The following PTPRT variants were observed in gnomAD, a reference collection of about 807,000 sequenced individuals.
PTPRT encodes receptor-type tyrosine-protein phosphatase T.
In PTPRT, 56 loss-of-function variants were observed where a neutral mutation model predicts 176.8. The ratio of observed to expected loss-of-function variants is 0.32; its 90% CI spans 0.26 to 0.40. The LOEUF is 0.40. Ranked by LOEUF, PTPRT falls within the 10% of genes least tolerant of loss-of-function variation. PTPRT has a pLI of 1.00. For missense variants in PTPRT, 1,540 were observed against 1,908.2 expected, an observed-to-expected ratio of 0.81 and a Z score of 3.60; for synonymous variants, 783 against 739.0, an observed-to-expected ratio of 1.06 and a Z score of -0.96.
chr20:42,956,334 C>G (rs764237139), intron 1 of PTPRT, among the ~76,000 whole-genome samples: 1 of 152,112 alleles, frequency 6.6e-6, no homozygotes, highest in African/African-American at 2.4e-5. Context: ...GTGCTCTCCT[C>G]GCAATAGTGA....
At chr20:42,537,867 A>C (rs2072503892) in intron 7 of PTPRT, among the ~76,000 whole-genome samples, 1 of 152,168 alleles carries the variant, frequency 6.6e-6, no homozygotes, top group African/African-American at 2.4e-5. Context: ...ACGCACAACT[A>C]AACAACTAGT....
intron 9 of PTPRT, among the ~76,000 whole-genome samples, chr20:42,437,864 A>G (rs530081950): frequency 6.6e-6 from 1 of 152,342 alleles, no homozygotes; most frequent in East Asian, 1.9e-4. Flanking sequence ...TGTTCTGACC[A>G]AAACAGAAGC....
At chr20:42,366,025 C>T (rs1162055702) in intron 9 of PTPRT, among the ~76,000 whole-genome samples, 1 of 152,236 alleles carries the variant, frequency 6.6e-6, no homozygotes, top group Non-Finnish European at 1.5e-5. Context: ...GCTCTCTGCC[C>T]ATGACTTCCC....
In PTPRT at chr20:43,180,296, C is replaced by T. The variant is rs567847078; in HGVS notation, c.88+9350G>A. On this transcript the variant is annotated intron_variant, in intron 1 of 30. Coordinates refer to ENST00000373187, the MANE Select transcript of PTPRT (RefSeq NM_007050.6). Reference sequence around the variant, plus strand: ...CCAGCTTGCAGACTGTGGGACTTCTCGGCCTCTAAACCTGCATGAGCCAAT... The same window carrying T: ...CCAGCTTGCAGACTGTGGGACTTCTTGGCCTCTAAACCTGCATGAGCCAAT... 3.0e-4 allele frequency among the ~76,000 whole-genome samples: 45 copies of T among 149,070 alleles called. 1 individual carries two copies. In the South Asian group the frequency reaches 8.5e-3, roughly 28 times the overall value.
chr20:42,535,314 G>A (rs529100363), intron 7 of PTPRT, among the ~76,000 whole-genome samples: 1 of 152,246 alleles, frequency 6.6e-6, no homozygotes, highest in East Asian at 1.9e-4. Context: ...AGACACTGGG[G>A]AGTACTTGAG....
At chr20:42,714,637 T>C (rs776173808) in intron 6 of PTPRT, among the ~76,000 whole-genome samples, 2 of 152,210 alleles carry the variant, frequency 1.3e-5, no homozygotes, top group African/African-American at 4.8e-5. Context: ...GAGTGATTTT[T>C]TCCAGCACAG....
At chr20:42,584,906 G>A (rs2073445284) in intron 7 of PTPRT, among the ~76,000 whole-genome samples, 1 of 152,108 alleles carries the variant, frequency 6.6e-6, no homozygotes, top group Non-Finnish European at 1.5e-5. Context: ...AAGTTGTGGA[G>A]GTGTAGGAAT....
In PTPRT at chr20:42,656,680, C is replaced by T. The variant is rs148913402; in HGVS notation, c.1153+21186G>A. Among the ~76,000 whole-genome samples the T allele has an allele frequency of 8.4e-4, 128 of 152,278 alleles. 1 individual carries two copies. Among genetic ancestry groups the T allele is most frequent in the African/African-American group, 2.9e-3 (122 of 41,544 alleles). On this transcript the variant is annotated intron_variant, in intron 7 of 30. Coordinates refer to ENST00000373187, the MANE Select transcript of PTPRT (RefSeq NM_007050.6). ...GAATTTATTCCAGGAAAAAATATTA[C>T]ATATGTGCACATATATTAGTATCTT...
At chr20:42,739,635 T>C (rs2076579774) in intron 6 of PTPRT, among the ~76,000 whole-genome samples, 1 of 152,184 alleles carries the variant, frequency 6.6e-6, no homozygotes. Flanking sequence ...GACTCTGAAA[T>C]AGACATAGAT....
intron 12 of PTPRT, among the ~76,000 whole-genome samples, chr20:42,313,737 C>T (rs1372103595): frequency 1.3e-5 from 2 of 152,138 alleles, no homozygotes; most frequent in African/African-American, 4.8e-5. Context: ...CCAGATGCTT[C>T]TGCCAATTTT....
In PTPRT at chr20:42,248,591, G is replaced by A. The variant is rs189904268; in HGVS notation, c.2312+96C>T. 2.8e-6 allele frequency: 4 copies of A among 1,453,778 alleles called. No homozygotes were observed. In the East Asian group the frequency reaches 9.1e-5, roughly 33 times the overall value. 90.1% of individuals were successfully genotyped at this position (1,453,778 alleles called of 1,614,324 possible). ...TCAATGGTTATAACAGAAGATCCCT[G>A]CTGGACAATGATCAACAGAGCAAAA... On this transcript the variant is annotated intron_variant, in intron 14 of 30. Coordinates refer to ENST00000373187, the MANE Select transcript of PTPRT (RefSeq NM_007050.6).
intron 1 of PTPRT, among the ~76,000 whole-genome samples, chr20:43,103,738 G>A (rs2012484702): frequency 7.5e-6 from 1 of 133,232 alleles, no homozygotes; most frequent in Non-Finnish European, 1.6e-5. Flanking sequence ...ATTTCATGGA[G>A]AGGGGAGATC....
At chr20:42,674,575 C>T (rs1453099135) in intron 7 of PTPRT, among the ~76,000 whole-genome samples, 1 of 152,198 alleles carries the variant, frequency 6.6e-6, no homozygotes. Flanking sequence ...GAAGTCTCAT[C>T]AGCAGGATCA....
chr20:42,531,762 G>A (rs1460471425), intron 7 of PTPRT, among the ~76,000 whole-genome samples: 1 of 152,216 alleles, frequency 6.6e-6, no homozygotes, highest in Non-Finnish European at 1.5e-5. Context: ...GATAGATGTT[G>A]GCTGTCCTCC....
intron 7 of PTPRT, among the ~76,000 whole-genome samples, chr20:42,574,936 C>T (rs1362998878): frequency 6.6e-6 from 1 of 152,136 alleles, no homozygotes; most frequent in African/African-American, 2.4e-5. Flanking sequence ...TAAGACGTGC[C>T]TTGATTCCCC....
chr20:43,124,489 A>G (rs1313263532), intron 1 of PTPRT, among the ~76,000 whole-genome samples: 1 of 152,190 alleles, frequency 6.6e-6, no homozygotes, highest in African/African-American at 2.4e-5. Flanking sequence ...CTGGCTGTGC[A>G]TTTGGACCCC....
At chr20:42,764,982 G>T (rs1239142717) in intron 5 of PTPRT, among the ~76,000 whole-genome samples, 1 of 152,144 alleles carries the variant, frequency 6.6e-6, no homozygotes, top group Non-Finnish European at 1.5e-5. Context: ...TTTACTGGGC[G>T]AACCGGCTGC....
At position 42,756,537 on chromosome 20, in the gene PTPRT, C is replaced by T. The variant is rs201332786; in HGVS notation, c.784G>A (p.Val262Ile). The change falls in exon 6 of 31, where the codon GTC becomes ATC. Residue 262 changes from valine (V) to isoleucine (I), a missense_variant. Around this residue, in one of 11 missense-constraint regions of PTPRT, gnomAD observed 273 missense variants for 432.1 expected, o/e 0.63. Coordinates refer to ENST00000373187, the MANE Select transcript of PTPRT (RefSeq NM_007050.6). ...CGGATCACACAGCGGTACTTGCTGA[C>T]GCTCCGCTGGGCAGTGTCTGCCACA... Reference protein sequence around the residue: ...VSVADTAQRSVSKYRCVIRSD... With the variant: ...VSVADTAQRSISKYRCVIRSD... 226 of 1,612,690 alleles carry T rather than the reference C, an allele frequency of 1.4e-4. 1 individual carries two copies. Among genetic ancestry groups the T allele is most frequent in the Middle Eastern group, 6.6e-4 (4 of 6,080 alleles).
intron 1 of PTPRT, among the ~76,000 whole-genome samples, chr20:43,108,336 G>A (rs2425604): frequency 0.32 from 48,019 of 152,004 alleles, 7,731 homozygotes; most frequent in Non-Finnish European, 0.35. Flanking sequence ...TTCCAGCTGC[G>A]TGCCAAGCTG....
Sources: gnomAD v4.1 joint callset for allele counts (sites outside exome capture counted in the v4.1 genomes callset) on GRCh38, gnomAD v4.1.1 for gene constraint, gnomAD v4.1.1 regional missense constraint, MANE v1.5 for transcripts, NCBI Gene and HGNC (gene_info 2026-07-23, HGNC 2026-07-21) for gene names.